Variants in FOXRED2 observed in about 807,000 individuals in gnomAD.
FOXRED2 encodes the protein FAD-dependent oxidoreductase domain-containing protein 2.
A neutral mutation model predicts 52.5 loss-of-function variants in FOXRED2; 32 were observed. The ratio of observed to expected loss-of-function variants is 0.61; its 90% CI spans 0.46 to 0.82. FOXRED2 has a LOEUF of 0.82. Among genes scored for constraint, FOXRED2 ranks in the 40% least tolerant of loss-of-function variants. The pLI, the probability that FOXRED2 is intolerant of heterozygous loss-of-function variation, is 0.00. For missense variants in FOXRED2, 848 were observed against 937.5 expected, an observed-to-expected ratio of 0.90 and a Z score of 1.25; for synonymous variants, 405 against 398.1, an observed-to-expected ratio of 1.02 and a Z score of -0.21.
At chr22:36,500,751 T>A (rs770689575) in intron 5 of FOXRED2, among the ~76,000 whole-genome samples, 10 of 149,926 alleles carry the variant, frequency 6.7e-5, no homozygotes, top group Non-Finnish European at 1.5e-4. Flanking sequence ...ACCTGGCTAA[T>A]TTTTGTATTT....
In FOXRED2 at chr22:36,499,825, G is replaced by C. The variant is rs549681297; in HGVS notation, c.1216+1416C>G. Among the ~76,000 whole-genome samples, 13 of 152,206 alleles carry C rather than the reference G, an allele frequency of 8.5e-5. No homozygotes were observed. In the East Asian group the frequency reaches 2.1e-3, roughly 25 times the overall value. On this transcript the variant is annotated intron_variant, in intron 5 of 8. Transcript: ENST00000397224. ...TATTTATTTATTTATTTTTGAGACA[G>C]AGTTTCACTCTTTTTGCCCAGGCTG...
In FOXRED2 at chr22:36,490,060, AG is replaced by A; in HGVS notation, c.2002del (p.Leu668TrpfsTer111). The A allele has an allele frequency of 6.2e-7, 1 of 1,611,836 alleles. No homozygotes were observed. Among genetic ancestry groups the A allele is most frequent in the East Asian group, 2.2e-5 (1 of 44,808 alleles). ...LGDQEPLGSP[L>X]APGPLAQSVD... ...GGACTGAGCCAGAGGCCCTGGAGCC[AG>A]GGGGGAACCTAGTGGCTCTTGGTCG... On this transcript the variant is annotated frameshift_variant, in exon 9 of 9. Transcript: ENST00000397224. LOFTEE classifies it high-confidence loss of function.
In FOXRED2 at chr22:36,490,128, G is replaced by A. The variant is rs749127259; in HGVS notation, c.1935C>T (p.Ala645=). The A allele has an allele frequency of 1.9e-6, 3 of 1,614,058 alleles. No individual in the cohort carries two copies. The highest frequency in any genetic ancestry group is 2.2e-5 in the East Asian group (1 of 44,878). Residue 645 remains alanine (A), a synonymous_variant, in exon 9 of 9, where the codon GCC becomes GCT. Coordinates refer to ENST00000397224, the MANE Select transcript of FOXRED2 (RefSeq NM_001102371.2). ...RVESRLLRDY[A]PTGRRLEDSS... ...TGTCCTCCAGGCGCCTGCCTGTGGG[G>A]GCATAGTCCCGCAGGAGCCTGCTCT...
intron 5 of FOXRED2, among the ~76,000 whole-genome samples, chr22:36,499,437 G>A (rs11912150): frequency 0.036 from 5,537 of 151,942 alleles, 361 homozygotes; most frequent in African/African-American, 0.13. Flanking sequence ...GCAACATGGC[G>A]AAAACTTGTC....
rs925715314 is a variant in FOXRED2, at chr22:36,492,334, A to C, written c.1795+1299T>G. ...CAGTAACAGAGGGACGGCTGCCACT[A>C]TGCCAGCTGGCCGCCTGCTGGGCGG... On this transcript the variant is annotated intron_variant, in intron 8 of 8. Transcript: ENST00000397224. 2.7e-4 allele frequency among the ~76,000 whole-genome samples: 41 copies of C among 152,340 alleles called. No individual in the cohort carries two copies. In the Middle Eastern group the frequency reaches 0.014, roughly 51 times the overall value.
chr22:36,497,132 C>T (rs925569096), intron 6 of FOXRED2, among the ~76,000 whole-genome samples: 1 of 151,838 alleles, frequency 6.6e-6, no homozygotes, highest in Non-Finnish European at 1.5e-5. Context: ...GAGCCAAGAT[C>T]GCACCACTGC....
chr22:36,496,316 G>C, intron 6 of FOXRED2, 108 bp from the exon 7 acceptor site: 1 of 1,371,320 alleles, frequency 7.3e-7, no homozygotes, highest in Non-Finnish European at 1.0e-6. Flanking sequence ...CCTCTAAGGA[G>C]CGTCAATCAA....
intron 1 of FOXRED2, chr22:36,506,650 C>T: frequency 6.6e-6 from 3 of 456,962 alleles, no homozygotes; most frequent in Non-Finnish European, 1.1e-5. Flanking sequence ...GGGTCTCCTT[C>T]CTCAGGGGCA....
In FOXRED2 at chr22:36,506,442, G is replaced by T; in HGVS notation, c.-1-19C>A. ...GCCCATCCTGCAGCAGATCAGAGGGGTAAGGCCTCGCACCCGGCCCGGCGG... is the reference window on the plus strand; with the variant it reads ...GCCCATCCTGCAGCAGATCAGAGGGTTAAGGCCTCGCACCCGGCCCGGCGG... On this transcript the variant is annotated intron_variant, in intron 1 of 8. Transcript: ENST00000397224. The T allele has an allele frequency of 2.1e-6, 3 of 1,426,188 alleles. No homozygotes were observed. The highest frequency in any genetic ancestry group is 2.7e-6 in the Non-Finnish European group (3 of 1,094,312). The allele number at this position is 1,426,188 out of a possible 1,614,324, so 88.3% of individuals were successfully genotyped here.
Position 36,490,152 on chromosome 22 carries a change from C to G in FOXRED2, c.1911G>C (p.Glu637Asp), listed in dbSNP as rs35748020. The G allele has an allele frequency of 9.6e-3, 15,417 of 1,614,144 alleles. 86 individuals carry two copies. The highest frequency in any genetic ancestry group is 0.011 in the Non-Finnish European group (12,525 of 1,179,960). ...STESLWQHRV[E>D]SRLLRDYAPT... ...GGGCATAGTCCCGCAGGAGCCTGCT[C>G]TCCACTCTGTGCTGCCAAAGGCTCT... The change falls in exon 9 of 9, where the codon GAG (glutamate) becomes GAC (aspartate). Residue 637 changes from glutamate (E) to aspartate (D), a missense_variant. By Grantham distance (45) the Glu-to-Asp change is conservative. Transcript: ENST00000397224.
intron 7 of FOXRED2, 50 bp downstream of exon 7, chr22:36,495,917 G>A (rs1019249862): frequency 5.6e-6 from 9 of 1,596,560 alleles, no homozygotes; most frequent in African/African-American, 5.4e-5. Context: ...CCTTGCAGAC[G>A]GTGAGGTCTG....
chr22:36,504,085 G>T lies in FOXRED2; in HGVS notation c.1049+13C>A, dbSNP rs779946924. ...TTGCTAGGAGAGCCCACCTCCTTCC[G>T]CATGGAACTCACTTATTGAAAATGG... On this transcript the variant is annotated intron_variant, in intron 4 of 8. Coordinates refer to ENST00000397224, the MANE Select transcript of FOXRED2 (RefSeq NM_001102371.2). 3.1e-6 allele frequency: 5 copies of T among 1,611,138 alleles called. No individual in the cohort carries two copies. Among genetic ancestry groups the T allele is most frequent in the Non-Finnish European group, 4.2e-6 (5 of 1,178,092 alleles).
chr22:36,494,693 G>A (rs978219541), intron 7 of FOXRED2, among the ~76,000 whole-genome samples: 1 of 151,882 alleles, frequency 6.6e-6, no homozygotes, highest in Non-Finnish European at 1.5e-5. Flanking sequence ...AGGCTAGAGT[G>A]CAGTGGCACA....
chr22:36,504,645 G>A lies in FOXRED2; in HGVS notation c.649C>T (p.Leu217=), dbSNP rs760588709. Residue 217 remains leucine, a synonymous_variant, in exon 3 of 9, where the codon CTG becomes TTG. Transcript: ENST00000397224. ...GCCGAGTTCCCACGACCCAGGATCA[G>A]CACATTCTGGCCTACAAAGTCCTCA... The part of the protein sequence containing the change: ...DPEDFVGQNV[L]ILGRGNSAFE... 1 of 1,614,174 alleles carries A rather than the reference G, an allele frequency of 6.2e-7. No homozygotes were observed. The highest frequency in any genetic ancestry group is 1.1e-5 in the South Asian group (1 of 91,084).
chr22:36,505,567 G>C (rs1444800431), intron 2 of FOXRED2, among the ~76,000 whole-genome samples: 2 of 152,114 alleles, frequency 1.3e-5, no homozygotes, highest in Non-Finnish European at 2.9e-5. Context: ...TCAGGAGTTC[G>C]AGACCAGCCT....
At chr22:36,492,117 T>C (rs541884679) in intron 8 of FOXRED2, among the ~76,000 whole-genome samples, 2 of 152,276 alleles carry the variant, frequency 1.3e-5, no homozygotes, top group South Asian at 2.1e-4. Context: ...TGGAGGCCCC[T>C]GGGAGGCCAG....
intron 8 of FOXRED2, among the ~76,000 whole-genome samples, chr22:36,490,541 C>T (rs1933729709): frequency 6.6e-6 from 1 of 152,248 alleles, no homozygotes; most frequent in African/African-American, 2.4e-5. Context: ...ACAGCAATGC[C>T]TCAGCTCCCA....
chr22:36,497,968 T>C (rs559472068), intron 6 of FOXRED2, 23 bp downstream of exon 6: 2 of 1,602,274 alleles, frequency 1.2e-6, no homozygotes, highest in Admixed American at 1.7e-5. Context: ...CCGAGGGGAG[T>C]AGGGTGGGGA....
chr22:36,506,106 T>A lies in FOXRED2; in HGVS notation c.317A>T (p.Asp106Val), dbSNP rs746526051. The change falls in exon 2 of 9, where the codon GAC becomes GTC. Residue 106 changes from aspartate to valine, a missense_variant. Asp to Val is a radical substitution (Grantham distance 152). Transcript: ENST00000397224. ...RHDWNSLLSH[D>V]PRLLFRHYSR... ...GTAGTGTCTGAAGAGCAGCCGGGGG[T>A]CGTGGCTGAGCAGAGAGTTCCAGTC... The A allele has an allele frequency of 4.3e-5, 70 of 1,613,760 alleles. No homozygotes were observed. In the Admixed American group the frequency reaches 7.3e-4, roughly 17 times the overall value.
Sources: allele counts gnomAD v4.1 joint callset (sites outside exome capture counted in the v4.1 genomes callset), GRCh38; gene constraint gnomAD v4.1.1; transcripts MANE v1.5; gene names NCBI Gene and HGNC (gene_info 2026-07-23, HGNC 2026-07-21).